SNX25: variants seen among roughly 807,000 people sequenced by gnomAD.
SNX25 encodes sorting nexin-25.
In SNX25, 62 loss-of-function variants were observed where a neutral mutation model predicts 113.7. The ratio of observed to expected loss-of-function variants is 0.55; its 90% CI spans 0.44 to 0.67. The LOEUF (loss-of-function observed/expected upper bound fraction) is 0.67. SNX25 is among the 30% of genes least tolerant of loss of function. The pLI, the probability that SNX25 is intolerant of heterozygous loss-of-function variation, is 0.00. For missense variants in SNX25, 1,014 were observed against 1,161.0 expected (o/e 0.87, Z 1.84); for synonymous variants, 421 against 436.2 (o/e 0.97, Z 0.43).
chr4:185,334,796 G>A lies in SNX25; in HGVS notation c.1914+2037G>A, dbSNP rs2095218617. 6.6e-6 allele frequency among the ~76,000 whole-genome samples: 1 copy of A among 152,142 alleles called. No homozygotes were observed. The highest frequency in any genetic ancestry group is 1.5e-5 in the Non-Finnish European group (1 of 68,036). Reference sequence around the variant, plus strand: ...ATATGAAAGAATTCTCAAGAAACTTGGAGCGATTCACTGGTACTGTGGCTT... The same window carrying A: ...ATATGAAAGAATTCTCAAGAAACTTAGAGCGATTCACTGGTACTGTGGCTT... On this transcript the variant is annotated intron_variant, in intron 10 of 18. Coordinates refer to ENST00000652585, the MANE Select transcript of SNX25 (RefSeq NM_001378034.2). This position sits in a 1 kb window ranked among gnomAD's most constrained non-coding sequence, Gnocchi z 4.2.
chr4:185,370,702 A>T (rs779623755), downstream of SNX25: 1 of 1,614,046 alleles, frequency 6.2e-7, no homozygotes, highest in East Asian at 2.2e-5. Context: ...AGCTGAAGAC[A>T]CCTTGCGTGG....
chr4:185,320,398 T>C (rs576760819), intron 7 of SNX25, among the ~76,000 whole-genome samples: 63 of 152,168 alleles, frequency 4.1e-4, no homozygotes, highest in African/African-American at 1.5e-3. Flanking sequence ...ACACCACATG[T>C]TCTCACTCGT....
chr4:185,235,873 T>C (rs1309746925), intron 1 of SNX25, among the ~76,000 whole-genome samples: 3 of 152,222 alleles, frequency 2.0e-5, no homozygotes, highest in South Asian at 4.1e-4. Context: ...GAAAGGAATA[T>C]GCAGATGCAG....
Position 185,362,087 on chromosome 4 carries a change from C to G in SNX25, c.2815C>G (p.Leu939Val), listed in dbSNP as rs1238405485. 6.2e-7 allele frequency: 1 copy of G among 1,613,058 alleles called. No homozygotes were observed. Among genetic ancestry groups the G allele is most frequent in the Admixed American group, 1.7e-5 (1 of 59,920 alleles). Residue 939 changes from leucine (L) to valine (V), a missense_variant, in exon 17 of 19, where the codon CTG (leucine) becomes GTG (valine). Transcript: ENST00000652585. The stretch of plus-strand genomic sequence containing the variant: ...AACAAAACAGAGAGCACAGCAAAAG[C>G]TGCTTGAAAACATTCCAGGTGAGGC... Reference protein sequence around the residue: ...QETKQRAQQKLLENIPDMLQS... With the variant: ...QETKQRAQQKVLENIPDMLQS...
intron 7 of SNX25, among the ~76,000 whole-genome samples, chr4:185,312,423 C>T (rs1277600227): frequency 6.6e-6 from 1 of 152,048 alleles, no homozygotes; most frequent in Non-Finnish European, 1.5e-5. Flanking sequence ...AATGGAAACT[C>T]ATTTTGGGAG....
rs541505678 is a variant in SNX25, at chr4:185,353,342, A to T, written c.2467-143A>T. 7.0e-5 allele frequency: 43 copies of T among 615,412 alleles called. No individual in the cohort carries two copies. In the South Asian group the frequency reaches 9.3e-4, roughly 13 times the overall value. 38.1% of individuals were successfully genotyped at this position (615,412 alleles called of 1,614,324 possible). A position where few individuals can be genotyped will look rare whatever the true frequency, so the allele number is the denominator to read the frequency against. ...TTCTGAATCTGTCCTCTGTGTTGAA[A>T]ATGGTAGTTTCTGCATGAAAACTAA... On this transcript the variant is annotated intron_variant, in intron 14 of 18. Coordinates refer to ENST00000652585, the MANE Select transcript of SNX25 (RefSeq NM_001378034.2).
intron 15 of SNX25, among the ~76,000 whole-genome samples, chr4:185,356,450 A>G (rs554966274): frequency 2.6e-5 from 4 of 152,326 alleles, no homozygotes; most frequent in South Asian, 2.1e-4. Context: ...CCCAGCCTCA[A>G]TGCCAACCTA....
the SNX25 span, chr4:185,377,121 G>T: frequency 1.2e-6 from 1 of 816,028 alleles, no homozygotes; most frequent in Non-Finnish European, 2.0e-6. Context: ...TGACATTCTT[G>T]CTTTCTAGTG....
At chr4:185,254,527 C>T (rs969953379) in intron 2 of SNX25, among the ~76,000 whole-genome samples, 1 of 152,164 alleles carries the variant, frequency 6.6e-6, no homozygotes, top group South Asian at 2.1e-4. Flanking sequence ...TCTTGAAGCT[C>T]TCTTTCTTAT....
intron 4 of SNX25, 29 bp from the exon 5 acceptor site, chr4:185,266,940 T>G (rs771804831): frequency 6.3e-7 from 1 of 1,596,572 alleles, no homozygotes; most frequent in Non-Finnish European, 8.5e-7. Context: ...AATACCTTTC[T>G]CAGTGGCTAT....
At chr4:185,375,619 T>TA in the SNX25 span, 2 of 1,599,430 alleles carry the variant, frequency 1.3e-6, no homozygotes, top group Non-Finnish European at 8.5e-7. Context: ...TTACAGCGTC[T>TA]AGAGTGGTCC....
At chr4:185,309,696 G>A (rs1754977367) in intron 6 of SNX25, among the ~76,000 whole-genome samples, 1 of 152,104 alleles carries the variant, frequency 6.6e-6, no homozygotes, top group Admixed American at 6.6e-5. Context: ...CCTGGTGTAG[G>A]CCATCACTAT....
At chr4:185,225,359 C>T (rs188699237) in intron 1 of SNX25, among the ~76,000 whole-genome samples, 5 of 152,126 alleles carry the variant, frequency 3.3e-5, no homozygotes, top group Admixed American at 3.3e-4. Context: ...CTCCTGACCT[C>T]GTGATCCGCC....
chr4:185,220,403 G>C (rs961836448), intron 1 of SNX25, among the ~76,000 whole-genome samples: 9 of 151,490 alleles, frequency 5.9e-5, no homozygotes, highest in Non-Finnish European at 7.4e-5. Context: ...TTTAGCATTA[G>C]GTATATCTCC....
chr4:185,247,228 A>T (rs1744987085), intron 1 of SNX25, 66 bp from the exon 2 acceptor site: 2 of 932,814 alleles, frequency 2.1e-6, no homozygotes, highest in Non-Finnish European at 3.1e-6. Context: ...CATACCTTTG[A>T]TTTTTTTTTT....
At chr4:185,367,445 T>C (rs2095392901), downstream of SNX25, among the ~76,000 whole-genome samples, 1 of 152,176 alleles carries the variant, frequency 6.6e-6, no homozygotes, top group African/African-American at 2.4e-5. Flanking sequence ...AACCATGTTA[T>C]TCTCATTTGA....
At chr4:185,242,947 T>C (rs914982241) in intron 1 of SNX25, among the ~76,000 whole-genome samples, 3 of 152,206 alleles carry the variant, frequency 2.0e-5, no homozygotes, top group Non-Finnish European at 4.4e-5. Flanking sequence ...AGGTGTTTTT[T>C]TCTCTTTCCT....
intron 5 of SNX25, among the ~76,000 whole-genome samples, chr4:185,278,129 G>T (rs1263594914): frequency 6.6e-6 from 1 of 152,118 alleles, no homozygotes; most frequent in Non-Finnish European, 1.5e-5. Flanking sequence ...TAGCAGCCAG[G>T]TCTCATGAGG....
intron 5 of SNX25, among the ~76,000 whole-genome samples, chr4:185,270,254 A>G (rs748885252): frequency 1.3e-5 from 2 of 152,220 alleles, no homozygotes; most frequent in African/African-American, 2.4e-5. Flanking sequence ...CTTTTATTGC[A>G]GTAGGCACAT....
Sources: allele counts gnomAD v4.1 joint callset (sites outside exome capture counted in the v4.1 genomes callset), GRCh38; gene constraint gnomAD v4.1.1; non-coding constraint Gnocchi (gnomAD v3.1); transcripts MANE v1.5; gene names NCBI Gene and HGNC (gene_info 2026-07-23, HGNC 2026-07-21).